AKAP13: variants seen among roughly 807,000 people sequenced by gnomAD.
AKAP13 encodes the protein A-kinase anchor protein 13.
In AKAP13, 80 loss-of-function variants were observed where a neutral mutation model predicts 264.5. The observed-to-expected ratio is 0.30, with a 90% CI of 0.25 to 0.36. The LOEUF is 0.36. Among genes scored for constraint, AKAP13 ranks in the 10% least tolerant of loss-of-function variants. The probability of loss-of-function intolerance (pLI) is 1.00; values close to 1 mark genes in which losing one functional copy is unlikely to be tolerated. For synonymous variants in AKAP13, 1,380 were observed against 1,250.2 expected, an observed-to-expected ratio of 1.10 and a Z score of -2.19; for missense variants, 3,712 against 3,435.2, an observed-to-expected ratio of 1.08 and a Z score of -2.01.
At chr15:85,429,319 A>T (rs1476877152) in intron 1 of AKAP13, among the ~76,000 whole-genome samples, 1 of 152,182 alleles carries the variant, frequency 6.6e-6, no homozygotes, top group Non-Finnish European at 1.5e-5. Context: ...TCTCTCGTGC[A>T]AGACTAATGG....
intron 36 of AKAP13, 93 bp from the exon 37 acceptor site, chr15:85,744,534 GT>G: frequency 7.3e-7 from 1 of 1,371,482 alleles, no homozygotes; most frequent in South Asian, 1.2e-5. Flanking sequence ...CCAGTCGCCT[GT>G]TTGCATTACA....
intron 16 of AKAP13, among the ~76,000 whole-genome samples, chr15:85,686,206 T>G (rs969953761): frequency 5.9e-5 from 9 of 151,460 alleles, no homozygotes; most frequent in Admixed American, 2.0e-4. Flanking sequence ...TGTGTGTGTG[T>G]GGTATATACA....
chr15:85,616,034 A>G lies in AKAP13; in HGVS notation c.4162-23340A>G, dbSNP rs76543377. Among the ~76,000 whole-genome samples the G allele has an allele frequency of 4.8e-3, 730 of 152,288 alleles. 30 individuals carry two copies. In the East Asian group the frequency reaches 0.12, roughly 24 times the overall value. Reference sequence around the variant, plus strand: ...CAGAGAGTAAAATTGATCATTGATGAGTCATTAACCAGTGTCCATTCACAT... The same window carrying G: ...CAGAGAGTAAAATTGATCATTGATGGGTCATTAACCAGTGTCCATTCACAT... On this transcript the variant is annotated intron_variant, in intron 8 of 36. Coordinates refer to ENST00000394518, the MANE Select transcript of AKAP13 (RefSeq NM_007200.5).
At chr15:85,740,646 C>G (rs1597239676) in intron 34 of AKAP13, 3 of 322,804 alleles carry the variant, frequency 9.3e-6, no homozygotes, top group East Asian at 1.3e-4. Flanking sequence ...TTCGGACTTC[C>G]CAGGAACATC....
chr15:85,740,503 C>CA (rs1304164365), intron 34 of AKAP13: 5 of 522,928 alleles, frequency 9.6e-6, no homozygotes, highest in African/African-American at 9.4e-5. Context: ...AACCATGCTA[C>CA]AAATCACATA....
chr15:85,572,353 G>A lies in AKAP13; in HGVS notation c.663-2778G>A, dbSNP rs147286876. ...CATGTTAGTGACTATGTCAATGTAG[G>A]CTTGAAAGCTACATTGATAGAGAAG... is the stretch of plus-strand genomic sequence containing the variant. On this transcript the variant is annotated intron_variant, in intron 5 of 36. Coordinates refer to ENST00000394518, the MANE Select transcript of AKAP13 (RefSeq NM_007200.5). Among the ~76,000 whole-genome samples the A allele has an allele frequency of 5.9e-3, 895 of 152,272 alleles. 5 individuals are homozygous for A. The highest frequency in any genetic ancestry group is 8.8e-3 in the Non-Finnish European group (596 of 68,026).
At chr15:85,697,281 C>T (rs949315087) in intron 17 of AKAP13, among the ~76,000 whole-genome samples, 2 of 152,134 alleles carry the variant, frequency 1.3e-5, no homozygotes, top group African/African-American at 2.4e-5. Context: ...TTGAAAATCA[C>T]TAAAAGGGGC....
chr15:85,748,331 G>C lies in AKAP13; in HGVS notation c.*3654G>C, dbSNP rs2614667. 1 of 152,182 alleles carries C rather than the reference G, an allele frequency of 6.6e-6. No individual in the cohort carries two copies. The highest frequency in any genetic ancestry group is 2.1e-4 in the South Asian group (1 of 4,828). The allele number at this position is 152,182 out of a possible 1,614,324, so 9.4% of individuals were successfully genotyped here. A position where few individuals can be genotyped will look rare whatever the true frequency, so the allele number is the denominator to read the frequency against. On this transcript the variant is annotated 3_prime_UTR_variant, in exon 37 of 37. Transcript: ENST00000394518. The stretch of plus-strand genomic sequence containing the variant: ...CTGCAGAACGATGTGCACCCTCTGC[G>C]TTTTGGATGTCCTTGGAATGTGGGA...
At chr15:85,524,107 T>G (rs1460800924) in intron 3 of AKAP13, among the ~76,000 whole-genome samples, 1 of 152,132 alleles carries the variant, frequency 6.6e-6, no homozygotes, top group East Asian at 1.9e-4. Flanking sequence ...TGTGCTTACG[T>G]GTGGGACTAG....
At chr15:85,628,661 A>G (rs182346538) in intron 8 of AKAP13, among the ~76,000 whole-genome samples, 2 of 140,212 alleles carry the variant, frequency 1.4e-5, no homozygotes, top group African/African-American at 6.0e-5. Context: ...CCAACAACAA[A>G]CAAACAGCAG....
intron 1 of AKAP13, among the ~76,000 whole-genome samples, chr15:85,448,038 T>A (rs989250549): frequency 6.6e-6 from 1 of 152,234 alleles, no homozygotes; most frequent in African/African-American, 2.4e-5. Context: ...ATCTGCTGTT[T>A]TTTTGACTTT....
At chr15:85,657,825 T>C (rs16942813) in intron 11 of AKAP13, among the ~76,000 whole-genome samples, 7,018 of 151,972 alleles carry the variant, frequency 0.046, 243 homozygotes, top group East Asian at 0.17. Flanking sequence ...GACAGTCTTA[T>C]CTTAAATGAT....
rs940540487 is a variant in AKAP13, at chr15:85,748,368, A to AC, written c.*3694dup. On this transcript the variant is annotated 3_prime_UTR_variant, in exon 37 of 37. Coordinates refer to ENST00000394518, the MANE Select transcript of AKAP13 (RefSeq NM_007200.5). Reference sequence around the variant, plus strand: ...CTTGGAATGTGGGAGCCTAGAAATAACCCTGTGGATGGAATTGGGGCAGCG... The same window carrying AC: ...CTTGGAATGTGGGAGCCTAGAAATAACCCCTGTGGATGGAATTGGGGCAGCG... The AC allele has an allele frequency of 1.1e-4, 17 of 152,292 alleles. No homozygotes were observed. The highest frequency in any genetic ancestry group is 4.1e-4 in the African/African-American group (17 of 41,546). 9.4% of individuals were successfully genotyped at this position (152,292 alleles called of 1,614,324 possible). A position where few individuals can be genotyped will look rare whatever the true frequency, so the allele number is the denominator to read the frequency against.
chr15:85,514,785 G>A (rs1157972225), intron 2 of AKAP13, among the ~76,000 whole-genome samples: 1 of 136,682 alleles, frequency 7.3e-6, no homozygotes, highest in Non-Finnish European at 1.6e-5. Flanking sequence ...ATGTTTAAAG[G>A]AGAGAACGAA....
At chr15:85,544,222 A>G in intron 5 of AKAP13, 1 of 568,504 alleles carries the variant, frequency 1.8e-6, no homozygotes, top group South Asian at 1.6e-5. Context: ...TTACTATTTT[A>G]CTCAAAAGTC....
intron 13 of AKAP13, 141 bp from the exon 14 acceptor site, chr15:85,669,577 AGTCT>A (rs2083803563): frequency 5.6e-6 from 3 of 533,124 alleles, no homozygotes; most frequent in African/African-American, 1.9e-5. Context: ...CTTTAACCTA[AGTCT>A]GTCTGACCAC....
rs956156343 is a variant in AKAP13 at position 85,546,337 on chromosome 15, C to T, written c.662+2382C>T. 1.3e-3 allele frequency among the ~76,000 whole-genome samples: 203 copies of T among 151,714 alleles called. 2 individuals carry two copies. Among genetic ancestry groups the T allele is most frequent in the African/African-American group, 4.5e-3 (187 of 41,350 alleles). On this transcript the variant is annotated intron_variant, in intron 5 of 36. Coordinates refer to ENST00000394518, the MANE Select transcript of AKAP13 (RefSeq NM_007200.5). ...TTGTTACCAAACACACACACACACA[C>T]ACACACACACACACACACACACAGC...
chr15:85,534,009 C>T, intron 4 of AKAP13, 129 bp downstream of exon 4: 4 of 1,076,218 alleles, frequency 3.7e-6, no homozygotes, highest in Non-Finnish European at 5.2e-6. Flanking sequence ...CTTAGAATTA[C>T]TGTAGGAAAG....
At chr15:85,730,843 G>C (rs1465523502) in intron 30 of AKAP13, 136 bp downstream of exon 30, 3 of 781,086 alleles carry the variant, frequency 3.8e-6, no homozygotes, top group Non-Finnish European at 5.9e-6. Context: ...TTTCACTATA[G>C]TAAATTATCA....
Sources: gnomAD v4.1 joint callset for allele counts (sites outside exome capture counted in the v4.1 genomes callset) on GRCh38, gnomAD v4.1.1 for gene constraint, MANE v1.5 for transcripts, NCBI Gene and HGNC (gene_info 2026-07-23, HGNC 2026-07-21) for gene names.